The following MCRIP2 variants were observed in gnomAD, a reference collection of about 807,000 sequenced individuals.
MCRIP2 encodes MAPK regulated co-repressor interacting protein 2.
MCRIP2 carries 21 observed loss-of-function variants against 23.2 expected under a neutral mutation model. The observed-to-expected ratio is 0.90, with a 90% CI of 0.64 to 1.30. MCRIP2 has a LOEUF of 1.30. Among genes scored for constraint, MCRIP2 ranks in the 50% most tolerant of loss-of-function variants. MCRIP2 has a pLI of 0.00. For missense variants in MCRIP2, 234 were observed against 223.2 expected, an observed-to-expected ratio of 1.05 and a Z score of -0.31; for synonymous variants, 121 against 100.2, an observed-to-expected ratio of 1.21 and a Z score of -1.24.
rs2037360449 is a variant in MCRIP2 at position 642,201 on chromosome 16, C to A, written c.134C>A (p.Pro45Gln). The part of the protein sequence containing the change: ...RQPAPPTSQP[P>Q]RAQPFAQPPG... ...CCCGCGCCGCCGACCTCGCAGCCCC[C>A]GCGGGCGCAGCCCTTTGCGCAGCCG... Residue 45 changes from proline to glutamine, a missense_variant, in exon 2 of 5, where the codon CCG (proline) becomes CAG (glutamine). Pro to Gln is a moderately conservative substitution (Grantham distance 76). Coordinates refer to ENST00000307650, the MANE Select transcript of MCRIP2 (RefSeq NM_138418.4). 1.5e-6 allele frequency: 2 copies of A among 1,318,114 alleles called. No individual in the cohort carries two copies. Among genetic ancestry groups the A allele is most frequent in the Non-Finnish European group, 1.9e-6 (2 of 1,031,350 alleles). The allele number at this position is 1,318,114 out of a possible 1,614,324, so 81.7% of individuals were successfully genotyped here.
chr16:647,684 C>G, intron 3 of MCRIP2, 99 bp from the exon 4 acceptor site: 1 of 1,516,712 alleles, frequency 6.6e-7, no homozygotes. Flanking sequence ...GTCCTGTGAC[C>G]AGCCCTGTGT....
rs769942963 is a variant in MCRIP2, at chr16:648,283, G to A, written c.*93G>A. On this transcript the variant is annotated 3_prime_UTR_variant, in exon 5 of 5. Coordinates refer to ENST00000307650, the MANE Select transcript of MCRIP2 (RefSeq NM_138418.4). Reference sequence around the variant, plus strand: ...CACCCACTGCGCCTGGCTGGGTGCCGGCCACACCTGAAGTGCCAGCATTTG... The same window carrying A: ...CACCCACTGCGCCTGGCTGGGTGCCAGCCACACCTGAAGTGCCAGCATTTG... The A allele has an allele frequency of 8.1e-5, 101 of 1,246,610 alleles. 1 individual carries two copies. Among genetic ancestry groups the A allele is most frequent in the Admixed American group, 9.9e-5 (5 of 50,310 alleles). The allele number at this position is 1,246,610 out of a possible 1,614,324, so 77.2% of individuals were successfully genotyped here.
chr16:644,562 C>T (rs992525221), intron 2 of MCRIP2, among the ~76,000 whole-genome samples: 26 of 152,222 alleles, frequency 1.7e-4, no homozygotes, highest in African/African-American at 5.3e-4. Context: ...TCCCACCTCT[C>T]GACTTCCTGA....
At chr16:644,282 T>C (rs111741783) in intron 2 of MCRIP2, among the ~76,000 whole-genome samples, 77 of 152,102 alleles carry the variant, frequency 5.1e-4, no homozygotes, top group Non-Finnish European at 1.0e-3. Context: ...GGTTTCTCCA[T>C]GTTGGTCAGG....
In MCRIP2 at chr16:642,179, G is replaced by GCGCCGCCGACCTCGCAGCCCC. The variant is rs1431598143; in HGVS notation, c.116_136dup (p.Pro39_Pro45dup). 3 of 1,342,552 alleles carry GCGCCGCCGACCTCGCAGCCCC rather than the reference G, an allele frequency of 2.2e-6. No homozygotes were observed. Among genetic ancestry groups the GCGCCGCCGACCTCGCAGCCCC allele is most frequent in the East Asian group, 6.7e-5 (2 of 30,000 alleles). 83.2% of individuals were successfully genotyped at this position (1,342,552 alleles called of 1,614,324 possible). On this transcript the variant is annotated inframe_insertion, in exon 2 of 5. Coordinates refer to ENST00000307650, the MANE Select transcript of MCRIP2 (RefSeq NM_138418.4). ...CGAGCTCCTGAAATGCCGGCAGCCC[G>GCGCCGCCGACCTCGCAGCCCC]CGCCGCCGACCTCGCAGCCCCCGCG...
intron 2 of MCRIP2, chr16:645,464 C>G (rs1053443572): frequency 6.6e-6 from 1 of 151,512 alleles, no homozygotes; most frequent in African/African-American, 2.4e-5. Flanking sequence ...ACCACGTATG[C>G]TAGGCTGATC....
rs2037498699 is a variant in MCRIP2, at chr16:646,986, C to T, written c.183-431C>T. On this transcript the variant is annotated intron_variant, in intron 2 of 4. Coordinates refer to ENST00000307650, the MANE Select transcript of MCRIP2 (RefSeq NM_138418.4). The surrounding 1 kb of genome is among the most constrained non-coding windows in gnomAD (Gnocchi z 6.5). The stretch of plus-strand genomic sequence containing the variant: ...TGTGGGGCGAGAATGTGGCCTAGAA[C>T]TACACCCAGAGTGGGGGGGTTGGGG... 5.2e-6 allele frequency: 1 copy of T among 193,572 alleles called. No individual in the cohort carries two copies. The highest frequency in any genetic ancestry group is 1.1e-5 in the Non-Finnish European group (1 of 93,272). 12.0% of individuals were successfully genotyped at this position (193,572 alleles called of 1,614,324 possible).
At chr16:647,952 C>T in intron 4 of MCRIP2, 68 bp downstream of exon 4, 1 of 1,204,614 alleles carries the variant, frequency 8.3e-7, no homozygotes, top group Non-Finnish European at 1.2e-6. Context: ...CCAGGCCCTG[C>T]CAGGTTCCCA....
chr16:647,113 G>T lies in MCRIP2; in HGVS notation c.183-304G>T, dbSNP rs1000267668. The T allele has an allele frequency of 9.8e-6, 4 of 408,230 alleles. No homozygotes were observed. In the South Asian group the frequency reaches 1.5e-4, roughly 15 times the overall value. 25.3% of individuals were successfully genotyped at this position (408,230 alleles called of 1,614,324 possible). On this transcript the variant is annotated intron_variant, in intron 2 of 4. Transcript: ENST00000307650. ...GGGCACCTGCAAGACCCTCGGGGAG[G>T]GGTACTGAGTGGGGCCCGACCAAAG...
chr16:642,255 A>C lies in MCRIP2; in HGVS notation c.182+6A>C. 1 of 1,181,302 alleles carries C rather than the reference A, an allele frequency of 8.5e-7. No individual in the cohort carries two copies. Among genetic ancestry groups the C allele is most frequent in the Non-Finnish European group, 1.0e-6 (1 of 956,632 alleles). 73.2% of individuals were successfully genotyped at this position (1,181,302 alleles called of 1,614,324 possible). A position where few individuals can be genotyped will look rare whatever the true frequency, so the allele number is the denominator to read the frequency against. On this transcript the variant is annotated splice_donor_region_variant and intron_variant, in intron 2 of 4. Transcript: ENST00000307650. ...GGACCCTGGCCCCTGTCGAGGTGAG[A>C]CGCGCGCGGCCCCGGCCCGGCCCGG...
chr16:642,458 G>A (rs1282629623), intron 2 of MCRIP2: 2 of 326,986 alleles, frequency 6.1e-6, no homozygotes, highest in Non-Finnish European at 9.7e-6. Context: ...ACCTGGCCGG[G>A]CCCGGGCCCC....
chr16:648,318 A>C lies in MCRIP2; in HGVS notation c.*128A>C. Reference sequence around the variant, plus strand: ...GAAGTGCCAGCATTTGGACTTTTGCACCTTTTTTTCCCTTGGCCCGGCTGT... The same window carrying C: ...GAAGTGCCAGCATTTGGACTTTTGCCCCTTTTTTTCCCTTGGCCCGGCTGT... On this transcript the variant is annotated 3_prime_UTR_variant, in exon 5 of 5. Transcript: ENST00000307650. The C allele has an allele frequency of 2.0e-6, 2 of 991,308 alleles. No individual in the cohort carries two copies. Among genetic ancestry groups the C allele is most frequent in the South Asian group, 1.4e-5 (1 of 70,598 alleles). 61.4% of individuals were successfully genotyped at this position (991,308 alleles called of 1,614,324 possible).
Position 642,102 on chromosome 16 carries a change from G to A in MCRIP2, c.53-18G>A. On this transcript the variant is annotated intron_variant, in intron 1 of 4. Transcript: ENST00000307650. ...GGGCGGGGCGCGGCGGCGGCTGACCGCCCCCCGGTGCCCGCAGGTCCCACG... is the reference window on the plus strand; with the variant it reads ...GGGCGGGGCGCGGCGGCGGCTGACCACCCCCCGGTGCCCGCAGGTCCCACG... The A allele has an allele frequency of 2.3e-6, 3 of 1,329,476 alleles. No homozygotes were observed. Among genetic ancestry groups the A allele is most frequent in the South Asian group, 1.9e-5 (1 of 51,970 alleles). The allele number at this position is 1,329,476 out of a possible 1,614,324, so 82.4% of individuals were successfully genotyped here.
In MCRIP2 at chr16:641,914, C is replaced by T. The variant is rs1337138804; in HGVS notation, c.-78C>T. 1 of 1,221,438 alleles carries T rather than the reference C, an allele frequency of 8.2e-7. No homozygotes were observed. Among genetic ancestry groups the T allele is most frequent in the Non-Finnish European group, 1.0e-6 (1 of 971,218 alleles). The allele number at this position is 1,221,438 out of a possible 1,614,324, so 75.7% of individuals were successfully genotyped here. On this transcript the variant is annotated 5_prime_UTR_variant, in exon 1 of 5. Transcript: ENST00000307650. The stretch of plus-strand genomic sequence containing the variant: ...GGGCCCGCCCCCTCCCCGCGGCGCC[C>T]GCAGTCCGTTAAGTGCGAGCCCCGG...
chr16:648,019 C>A, intron 4 of MCRIP2, 101 bp from the exon 5 acceptor site: 1 of 1,286,220 alleles, frequency 7.8e-7, no homozygotes, highest in Non-Finnish European at 1.1e-6. Context: ...CCAGCGCCTG[C>A]CGCACTCGGA....
rs1034571018 is a variant in MCRIP2, at chr16:646,050, T to C, written c.183-1367T>C. ...GGAGAGGTTGGCGGTGATCCATAGG[T>C]GCTCGCCGGGCCGGTGCCCTTTCCC... On this transcript the variant is annotated intron_variant, in intron 2 of 4. Transcript: ENST00000307650. This position sits in a 1 kb window ranked among gnomAD's most constrained non-coding sequence, Gnocchi z 6.5. 2 of 152,172 alleles carry C rather than the reference T, an allele frequency of 1.3e-5. No individual in the cohort carries two copies. The highest frequency in any genetic ancestry group is 4.8e-5 in the African/African-American group (2 of 41,432). 9.4% of individuals were successfully genotyped at this position (152,172 alleles called of 1,614,324 possible).
rs1322568210 is a variant in MCRIP2 at position 642,171 on chromosome 16, G to C, written c.104G>C (p.Arg35Pro). 1.3e-5 allele frequency: 17 copies of C among 1,349,626 alleles called. No individual in the cohort carries two copies. The East Asian group carries it at 5.6e-4, about 45-fold the overall frequency. The allele number at this position is 1,349,626 out of a possible 1,614,324, so 83.6% of individuals were successfully genotyped here. A position where few individuals can be genotyped will look rare whatever the true frequency, so the allele number is the denominator to read the frequency against. Residue 35 changes from arginine to proline, a missense_variant, in exon 2 of 5, where the codon CGG becomes CCG. Transcript: ENST00000307650. Reference sequence around the variant, plus strand: ...CGGCTCGGCGAGCTCCTGAAATGCCGGCAGCCCGCGCCGCCGACCTCGCAG... The same window carrying C: ...CGGCTCGGCGAGCTCCTGAAATGCCCGCAGCCCGCGCCGCCGACCTCGCAG... ...EGRLGELLKC[R>P]QPAPPTSQPP...
intron 4 of MCRIP2, 73 bp from the exon 5 acceptor site, chr16:648,047 G>C: frequency 3.4e-6 from 5 of 1,454,836 alleles, no homozygotes; most frequent in Non-Finnish European, 4.7e-6. Flanking sequence ...TGAGCGGCTT[G>C]TGGTTAGCTC....
Position 647,445 on chromosome 16 carries a change from G to C in MCRIP2, c.211G>C (p.Val71Leu), listed in dbSNP as rs1274513854. The C allele has an allele frequency of 3.7e-6, 6 of 1,613,402 alleles. No individual in the cohort carries two copies. The highest frequency in any genetic ancestry group is 3.3e-5 in the Admixed American group (2 of 60,006). The change falls in exon 3 of 5, where the codon GTG becomes CTG. Residue 71 changes from valine (V) to leucine (L), a missense_variant. Transcript: ENST00000307650. ...AGGGCCAAGGCTTGTGTTCAATCGT[G>C]TGAATGGCCGGCGGGCCCCCTCCAC... is the stretch of plus-strand genomic sequence containing the variant. ...SPGPRLVFNR[V>L]NGRRAPSTSP...
Sources: gnomAD v4.1 joint callset for allele counts (sites outside exome capture counted in the v4.1 genomes callset) on GRCh38, gnomAD v4.1.1 for gene constraint, Gnocchi (gnomAD v3.1) non-coding constraint, MANE v1.5 for transcripts, NCBI Gene and HGNC (gene_info 2026-07-23, HGNC 2026-07-21) for gene names.